Variants in EYS observed in about 807,000 individuals in gnomAD.
EYS encodes EGF-like photoreceptor maintenance factor, also known as protein eyes shut homolog.
Under a neutral mutation model 282.1 loss-of-function variants are expected in EYS, and 250 were observed. That is an observed-to-expected ratio of 0.89 (90% confidence interval 0.80 to 0.98). The LOEUF is 0.98. EYS is among the 50% of genes least tolerant of loss of function. The pLI, the probability that EYS is intolerant of heterozygous loss-of-function variation, is 0.00. For missense variants in EYS, 4,016 were observed against 3,709.0 expected (o/e 1.08, Z -2.15); for synonymous variants, 1,355 against 1,282.9 (o/e 1.06, Z -1.20).
In EYS at chr6:64,590,440, G is replaced by C. The variant is rs949145942; in HGVS notation, c.5427C>G (p.Ser1809=). 3 of 1,550,946 alleles carry C rather than the reference G, an allele frequency of 1.9e-6. No individual in the cohort carries two copies. In the African/African-American group the frequency reaches 4.1e-5, roughly 21 times the overall value. ...GCCAATCTGGCCTAATTACAGACATGGAGGAAGACGTCTGTATTGAAAGTG... is the reference window on the plus strand; with the variant it reads ...GCCAATCTGGCCTAATTACAGACATCGAGGAAGACGTCTGTATTGAAAGTG... ...TPALSIQTSS[S]MSVIRPDWPY... The change falls in exon 26 of 43, where the codon TCC becomes TCG. Residue 1809 remains serine, a synonymous_variant. Transcript: ENST00000503581.
At chr6:65,196,534 A>C (rs1765770192) in intron 12 of EYS, among the ~76,000 whole-genome samples, 1 of 152,110 alleles carries the variant, frequency 6.6e-6, no homozygotes, top group African/African-American at 2.4e-5. Context: ...ATTCTTGAGC[A>C]CTTATCTTGT....
At chr6:64,847,690 A>G (rs1420280750) in intron 19 of EYS, among the ~76,000 whole-genome samples, 1 of 151,984 alleles carries the variant, frequency 6.6e-6, no homozygotes, top group Non-Finnish European at 1.5e-5. Context: ...ACTAACCCCT[A>G]CCATGTCTAT....
chr6:64,851,135 A>G (rs182124406), intron 19 of EYS, among the ~76,000 whole-genome samples: 2 of 152,214 alleles, frequency 1.3e-5, no homozygotes, highest in African/African-American at 2.4e-5. Flanking sequence ...GCGACTGCAC[A>G]TGGATGAAAT....
Position 65,036,867 on chromosome 6 carries a change from T to C in EYS, c.2137+20747A>G, listed in dbSNP as rs138479547. ...TATTTATACACTGCTGGTGGGAATA[T>C]AAGTTAGTCCTGCCGTGGTTAAAAG... On this transcript the variant is annotated intron_variant, in intron 13 of 42. Transcript: ENST00000503581. Among the ~76,000 whole-genome samples, 4 of 152,136 alleles carry C rather than the reference T, an allele frequency of 2.6e-5. No individual in the cohort carries two copies. The East Asian group carries it at 7.7e-4, about 29-fold the overall frequency.
chr6:65,461,795 T>C (rs1364983028), intron 5 of EYS, among the ~76,000 whole-genome samples: 4 of 151,984 alleles, frequency 2.6e-5, no homozygotes, highest in African/African-American at 9.7e-5. Context: ...ACAACCATTA[T>C]TAATTAAAAT....
chr6:65,478,717 T>C (rs181608318), intron 5 of EYS, among the ~76,000 whole-genome samples: 32 of 152,226 alleles, frequency 2.1e-4, no homozygotes, highest in African/African-American at 5.1e-4. Context: ...CTGTTTCTAC[T>C]TGGAAGGGCC....
At chr6:64,224,155 A>C (rs1245313566) in intron 31 of EYS, among the ~76,000 whole-genome samples, 1 of 152,088 alleles carries the variant, frequency 6.6e-6, no homozygotes. Context: ...AGTCTGGTAA[A>C]TTTTGGGTTA....
intron 22 of EYS, among the ~76,000 whole-genome samples, chr6:64,698,681 CTT>C (rs1283106930): frequency 1.3e-5 from 2 of 152,076 alleles, no homozygotes; most frequent in East Asian, 1.9e-4. Context: ...TGAACCGACT[CTT>C]TTCAAAAGAT....
intron 35 of EYS, among the ~76,000 whole-genome samples, chr6:63,958,607 C>G (rs922515187): frequency 2.0e-5 from 3 of 152,140 alleles, no homozygotes; most frequent in African/African-American, 7.2e-5. Context: ...CGAAAGCAGC[C>G]TTATATTGGA....
intron 12 of EYS, among the ~76,000 whole-genome samples, chr6:65,168,976 T>C (rs1765040687): frequency 6.6e-6 from 1 of 151,348 alleles, no homozygotes; most frequent in Non-Finnish European, 1.5e-5. Context: ...TTACCATGTT[T>C]TAAGACATAT....
At chr6:64,453,551 T>C in intron 26 of EYS, among the ~76,000 whole-genome samples, 1 of 152,206 alleles carries the variant, frequency 6.6e-6, no homozygotes, top group Non-Finnish European at 1.5e-5. Context: ...TAAAGACACA[T>C]GCACATGTAT....
chr6:64,731,766 A>T (rs983876947), intron 22 of EYS, among the ~76,000 whole-genome samples: 1 of 152,176 alleles, frequency 6.6e-6, no homozygotes, highest in South Asian at 2.1e-4. Context: ...TTCCTGAAGG[A>T]TCTAGAACCA....
intron 26 of EYS, among the ~76,000 whole-genome samples, chr6:64,581,266 G>A (rs1001675270): frequency 1.3e-5 from 2 of 152,082 alleles, no homozygotes; most frequent in Non-Finnish European, 2.9e-5. Flanking sequence ...CATGTGAAGA[G>A]GAGTCTGTGC....
chr6:65,609,322 G>A (rs529430278), intron 2 of EYS, among the ~76,000 whole-genome samples: 8 of 119,890 alleles, frequency 6.7e-5, no homozygotes, highest in African/African-American at 2.6e-4. Context: ...ACAACTGTAC[G>A]TATCCAAGAT....
At chr6:65,544,072 C>T (rs1212886502) in intron 2 of EYS, among the ~76,000 whole-genome samples, 2 of 148,818 alleles carry the variant, frequency 1.3e-5, no homozygotes, top group Non-Finnish European at 3.0e-5. Context: ...GAGAAAGAGA[C>T]CTCTTTACAG....
chr6:64,505,742 T>TAA (rs1353822614), intron 26 of EYS, among the ~76,000 whole-genome samples: 3 of 152,256 alleles, frequency 2.0e-5, no homozygotes, highest in Admixed American at 2.0e-4. Context: ...TTCCCAACTT[T>TAA]AAGAATCTAA....
At chr6:64,691,547 A>G (rs1425421708) in intron 22 of EYS, among the ~76,000 whole-genome samples, 3 of 152,166 alleles carry the variant, frequency 2.0e-5, no homozygotes, top group Non-Finnish European at 4.4e-5. Flanking sequence ...TTACATGTGC[A>G]GATTTGTTAC....
chr6:65,352,848 A>T (rs1764338596), intron 9 of EYS, among the ~76,000 whole-genome samples: 1 of 151,846 alleles, frequency 6.6e-6, no homozygotes, highest in African/African-American at 2.4e-5. Flanking sequence ...CCTCCATGGA[A>T]TTGTTATTAG....
At chr6:65,536,110 A>C (rs1767954110) in intron 2 of EYS, among the ~76,000 whole-genome samples, 1 of 152,134 alleles carries the variant, frequency 6.6e-6, no homozygotes, top group Admixed American at 6.6e-5. Context: ...CATTCAAGTA[A>C]ATATGGGGAA....
Sources: allele counts gnomAD v4.1 joint callset (sites outside exome capture counted in the v4.1 genomes callset), GRCh38; gene constraint gnomAD v4.1.1; transcripts MANE v1.5; gene names NCBI Gene and HGNC (gene_info 2026-07-23, HGNC 2026-07-21).